Variants in DNER observed in about 807,000 individuals in gnomAD.
The protein encoded by DNER is delta/notch like EGF repeat containing, also known as delta and Notch-like epidermal growth factor-related receptor.
DNER carries 33 observed loss-of-function variants against 78.2 expected under a neutral mutation model. That is an observed-to-expected ratio of 0.42 (90% CI 0.32 to 0.56). The LOEUF (loss-of-function observed/expected upper bound fraction) is 0.56. Ranked by LOEUF, DNER falls within the 20% of genes least tolerant of loss-of-function variation. The probability of loss-of-function intolerance (pLI) is 0.11; values close to 1 mark genes in which losing one functional copy is unlikely to be tolerated. For synonymous variants in DNER, 417 were observed against 384.8 expected (o/e 1.08, Z -0.98); for missense variants, 918 against 975.3 (o/e 0.94, Z 0.78).
chr2:229,568,385 C>T (rs1374530877), intron 4 of DNER, among the ~76,000 whole-genome samples: 2 of 152,156 alleles, frequency 1.3e-5, no homozygotes, highest in African/African-American at 2.4e-5. Context: ...TTTTAGGCCC[C>T]TGCCTTGGTA....
At position 229,577,624 on chromosome 2, in the gene DNER, G is replaced by A. The variant is rs1697327256; in HGVS notation, c.847+8234C>T. Among the ~76,000 whole-genome samples, 2 of 152,014 alleles carry A rather than the reference G, an allele frequency of 1.3e-5. 1 individual carries two copies. The highest frequency in any genetic ancestry group is 4.8e-5 in the African/African-American group (2 of 41,382). ...CACTCCAGCATGGGCAACAAAGAGA[G>A]ACTCTGTCTCAAAAAAAAAACAAAG... On this transcript the variant is annotated intron_variant, in intron 4 of 12. Transcript: ENST00000341772.
intron 10 of DNER, among the ~76,000 whole-genome samples, chr2:229,393,967 AAAT>A (rs1388172844): frequency 2.6e-5 from 4 of 152,228 alleles, no homozygotes; most frequent in Admixed American, 1.3e-4. Context: ...ATGAGGCCAA[AAAT>A]AATATTTAAT....
intron 7 of DNER, among the ~76,000 whole-genome samples, chr2:229,466,861 A>T (rs1236721404): frequency 6.6e-6 from 1 of 152,188 alleles, no homozygotes; most frequent in Non-Finnish European, 1.5e-5. Context: ...TTGGTTTTCT[A>T]AAAAGGGCAT....
intron 7 of DNER, among the ~76,000 whole-genome samples, chr2:229,470,218 C>G (rs184253931): frequency 3.3e-5 from 5 of 152,230 alleles, no homozygotes; most frequent in Admixed American, 1.3e-4. Flanking sequence ...TTAGGTATAT[C>G]CCATCTCTTT....
At chr2:229,376,253 G>A (rs1258704835) in intron 11 of DNER, among the ~76,000 whole-genome samples, 1 of 152,080 alleles carries the variant, frequency 6.6e-6, no homozygotes, top group East Asian at 1.9e-4. Context: ...AGTCATGAGG[G>A]CTCTGCCTTC....
At position 229,567,773 on chromosome 2, in the gene DNER, C is replaced by T. The variant is rs900794810; in HGVS notation, c.847+18085G>A. On this transcript the variant is annotated intron_variant, in intron 4 of 12. Transcript: ENST00000341772. ...TGTCCCTGTTCCCAATCAGCTCTCTCCTGAAATTAAATTCTGTAATTCAAT... is the reference window on the plus strand; with the variant it reads ...TGTCCCTGTTCCCAATCAGCTCTCTTCTGAAATTAAATTCTGTAATTCAAT... Among the ~76,000 whole-genome samples, 12 of 152,200 alleles carry T rather than the reference C, an allele frequency of 7.9e-5. 1 individual carries two copies. Among genetic ancestry groups the T allele is most frequent in the African/African-American group, 2.9e-4 (12 of 41,450 alleles).
At chr2:229,412,404 G>A (rs556868874) in intron 9 of DNER, among the ~76,000 whole-genome samples, 33 of 152,312 alleles carry the variant, frequency 2.2e-4, no homozygotes, top group Admixed American at 7.8e-4. Context: ...TTCTGTGCGA[G>A]CCACCATAGT....
chr2:229,494,529 G>A (rs1473808082), intron 6 of DNER, among the ~76,000 whole-genome samples: 1 of 152,220 alleles, frequency 6.6e-6, no homozygotes, highest in Non-Finnish European at 1.5e-5. Context: ...TTGGTATGAT[G>A]CTGTGCCCTC....
chr2:229,648,793 T>C (rs1698763305), intron 1 of DNER, among the ~76,000 whole-genome samples: 2 of 152,212 alleles, frequency 1.3e-5, no homozygotes, highest in Admixed American at 6.5e-5. Context: ...GACACATTGT[T>C]TCTCTCTGAT....
At chr2:229,694,167 G>C (rs1699627426) in intron 1 of DNER, among the ~76,000 whole-genome samples, 1 of 152,208 alleles carries the variant, frequency 6.6e-6, no homozygotes, top group African/African-American at 2.4e-5. Context: ...TGAGCCTGTG[G>C]GTGCACAGAA....
intron 7 of DNER, among the ~76,000 whole-genome samples, chr2:229,457,329 ATGT>A (rs1368160414): frequency 3.3e-5 from 5 of 152,104 alleles, no homozygotes; most frequent in African/African-American, 9.7e-5. Context: ...TTGAATTATG[ATGT>A]TGTAACGTAC....
chr2:229,714,398 G>T lies in DNER; in HGVS notation c.26C>A (p.Pro9His). The T allele has an allele frequency of 8.5e-7, 1 of 1,176,736 alleles. No individual in the cohort carries two copies. The highest frequency in any genetic ancestry group is 1.0e-6 in the Non-Finnish European group (1 of 955,804). The allele number at this position is 1,176,736 out of a possible 1,614,324, so 72.9% of individuals were successfully genotyped here. A position where few individuals can be genotyped will look rare whatever the true frequency, so the allele number is the denominator to read the frequency against. Residue 9 changes from proline (P) to histidine (H), a missense_variant, in exon 1 of 13, where the codon CCC becomes CAC. Pro to His is a moderately conservative substitution (Grantham distance 77, BLOSUM62 -2). Transcript: ENST00000341772. MQPRRAQA[P>H]GAQLLPALAL... ...CAGCGCGGGCAGCAGCTGCGCACCG[G>T]GCGCCTGGGCGCGGCGGGGCTGCAT...
At chr2:229,482,872 G>A (rs954535854) in intron 6 of DNER, among the ~76,000 whole-genome samples, 1 of 152,100 alleles carries the variant, frequency 6.6e-6, no homozygotes, top group Non-Finnish European at 1.5e-5. Flanking sequence ...GGGTATCAAA[G>A]CTTTAAAGTT....
intron 11 of DNER, among the ~76,000 whole-genome samples, chr2:229,380,921 C>CA (rs1692720683): frequency 6.6e-6 from 1 of 151,032 alleles, no homozygotes. Context: ...GACTCCATCT[C>CA]AAAAAATAAA....
chr2:229,494,569 C>G (rs1695464593), intron 6 of DNER, among the ~76,000 whole-genome samples: 1 of 152,234 alleles, frequency 6.6e-6, no homozygotes, highest in Non-Finnish European at 1.5e-5. Flanking sequence ...TGTCACCCCA[C>G]AGCTTTGCAG....
At chr2:229,528,373 C>T (rs1317101533) in intron 5 of DNER, among the ~76,000 whole-genome samples, 1 of 152,190 alleles carries the variant, frequency 6.6e-6, no homozygotes, top group Non-Finnish European at 1.5e-5. Flanking sequence ...CAAAGTGCTT[C>T]CACCTTTGTG....
intron 1 of DNER, among the ~76,000 whole-genome samples, chr2:229,629,499 C>G (rs1186732114): frequency 6.6e-6 from 1 of 152,192 alleles, no homozygotes; most frequent in African/African-American, 2.4e-5. Flanking sequence ...CCATTTGAAT[C>G]AGCCAAGTTA....
At chr2:229,468,602 C>T (rs775839439) in intron 7 of DNER, among the ~76,000 whole-genome samples, 10 of 152,148 alleles carry the variant, frequency 6.6e-5, no homozygotes, top group South Asian at 6.2e-4. Context: ...AGCCCCTACC[C>T]GCCAAATTAT....
chr2:229,561,994 A>G (rs1304602708), intron 4 of DNER, among the ~76,000 whole-genome samples: 2 of 152,206 alleles, frequency 1.3e-5, no homozygotes, highest in East Asian at 1.9e-4. Context: ...TTGGACAGCC[A>G]GTTTGCATCC....
Sources: gnomAD v4.1 joint callset for allele counts (sites outside exome capture counted in the v4.1 genomes callset) on GRCh38, gnomAD v4.1.1 for gene constraint, MANE v1.5 for transcripts, NCBI Gene and HGNC (gene_info 2026-07-23, HGNC 2026-07-21) for gene names.